The following FASTKD2 variants were observed in gnomAD, a reference collection of about 807,000 sequenced individuals.
The protein encoded by FASTKD2 is FAST kinase domain-containing protein 2, mitochondrial.
In FASTKD2, 51 loss-of-function variants were observed where a neutral mutation model predicts 63.6. The ratio of observed to expected loss-of-function variants is 0.80; its 90% CI spans 0.64 to 1.01. The LOEUF is 1.01. Ranked by LOEUF, FASTKD2 falls within the 50% of genes least tolerant of loss-of-function variation. The pLI, the probability that FASTKD2 is intolerant of heterozygous loss-of-function variation, is 0.00. For synonymous variants in FASTKD2, 284 were observed against 293.4 expected (o/e 0.97, Z 0.33); for missense variants, 786 against 831.1 (o/e 0.95, Z 0.67).
At position 206,792,547 on chromosome 2, in the gene FASTKD2, CTTTG is replaced by C. The variant is rs1559368244; in HGVS notation, c.*748_*751del. The stretch of plus-strand genomic sequence containing the variant: ...ATTTTTTCGATTATGTGTGTTCATT[CTTTG>C]TTCAAATATTTGTCCAAATTCAACT... On this transcript the variant is annotated 3_prime_UTR_variant, in exon 12 of 12. Transcript: ENST00000402774. 1 of 152,056 alleles carries C rather than the reference CTTTG, an allele frequency of 6.6e-6. No individual in the cohort carries two copies. The allele number at this position is 152,056 out of a possible 1,614,324, so 9.4% of individuals were successfully genotyped here. A position where few individuals can be genotyped will look rare whatever the true frequency, so the allele number is the denominator to read the frequency against.
chr2:206,786,947 C>T (rs774779833), intron 8 of FASTKD2, 48 bp downstream of exon 8: 7 of 997,832 alleles, frequency 7.0e-6, no homozygotes, highest in Non-Finnish European at 1.1e-5. Flanking sequence ...CAATTCTGCA[C>T]TACCACTAGC....
Position 206,767,084 on chromosome 2 carries a change from A to G in FASTKD2, c.391A>G (p.Lys131Glu). 4 of 1,614,152 alleles carry G rather than the reference A, an allele frequency of 2.5e-6. No individual in the cohort carries two copies. In the South Asian group the frequency reaches 4.4e-5, roughly 18 times the overall value. Residue 131 changes from lysine to glutamate, a missense_variant, in exon 2 of 12, where the codon AAG becomes GAG. Lys to Glu is a moderately conservative substitution (Grantham distance 56, BLOSUM62 1). Coordinates refer to ENST00000402774, the MANE Select transcript of FASTKD2 (RefSeq NM_001136193.2). The stretch of plus-strand genomic sequence containing the variant: ...TGTTGATAAATCTGATGATGAATTG[A>G]AGAAAGTAAACCTTAATCATGAAGT... ...VPVDKSDDEL[K>E]KVNLNHEVSN...
Position 206,792,819 on chromosome 2 carries a change from C to T in FASTKD2, c.*1017C>T, listed in dbSNP as rs1295948683. ...GAGGTGTAGCTGCTATTATGATTCT[C>T]TCTGTGTCTTCACTTCCTCATCTCT... is the stretch of plus-strand genomic sequence containing the variant. On this transcript the variant is annotated 3_prime_UTR_variant, in exon 12 of 12. Coordinates refer to ENST00000402774, the MANE Select transcript of FASTKD2 (RefSeq NM_001136193.2). Among the ~76,000 whole-genome samples, 5 of 152,190 alleles carry T rather than the reference C, an allele frequency of 3.3e-5. No homozygotes were observed. Among genetic ancestry groups the T allele is most frequent in the South Asian group, 2.1e-4 (1 of 4,828 alleles).
chr2:206,766,516 T>C, intron 1 of FASTKD2, 128 bp from the exon 2 acceptor site: 1 of 614,930 alleles, frequency 1.6e-6, no homozygotes, highest in Non-Finnish European at 2.8e-6. Flanking sequence ...AAAAAACTTT[T>C]ACTGTTTTAT....
intron 7 of FASTKD2, among the ~76,000 whole-genome samples, chr2:206,785,003 A>G (rs1690100146): frequency 1.3e-5 from 2 of 152,352 alleles, no homozygotes; most frequent in South Asian, 4.1e-4. Context: ...TACAAAAGAA[A>G]GAGGTTTAAT....
Position 206,788,114 on chromosome 2 carries a change from A to G in FASTKD2, c.1772A>G (p.His591Arg), listed in dbSNP as rs1184405431. 1 of 1,611,934 alleles carries G rather than the reference A, an allele frequency of 6.2e-7. No homozygotes were observed. The highest frequency in any genetic ancestry group is 1.7e-5 in the Admixed American group (1 of 59,814). ...VLSSLLGGEG[H>R]FSKDVHLPHN... is the part of the protein sequence containing the mutation. ...AGCAGCCTTCTGGGAGGTGAAGGAC[A>G]CTTCTCAAAGGATGTGCACTTGCCA... The change falls in exon 9 of 12, where the codon CAC becomes CGC. Residue 591 changes from histidine to arginine, a missense_variant. Physicochemically the swap from His to Arg is conservative, Grantham distance 29 (BLOSUM62 0). Transcript: ENST00000402774.
At chr2:206,787,335 C>A (rs1482524628) in intron 8 of FASTKD2, among the ~76,000 whole-genome samples, 1 of 152,124 alleles carries the variant, frequency 6.6e-6, no homozygotes, top group Non-Finnish European at 1.5e-5. Context: ...ATCAAGAAAC[C>A]AAATAGCCAC....
At chr2:206,790,551 T>G in intron 10 of FASTKD2, 21 bp from the exon 11 acceptor site, 1 of 1,353,690 alleles carries the variant, frequency 7.4e-7, no homozygotes, top group Non-Finnish European at 1.1e-6. Flanking sequence ...CTGTTCTTGT[T>G]TTGTTTATTT....
intron 9 of FASTKD2, 80 bp from the exon 10 acceptor site, chr2:206,788,731 CAAAAAAAA>C (rs5838043): frequency 4.2e-6 from 2 of 478,172 alleles, no homozygotes; most frequent in African/African-American, 5.2e-5. Context: ...GACCACATCT[CAAAAAAAA>C]AAAAAAAAAG....
rs948592092 is a variant in FASTKD2, at chr2:206,791,714, T to C, written c.2045T>C (p.Met682Thr). ...AACTGGGAGATGGACAAACTAGAGA[T>C]GGAAGATGCAGTCACATTTTTGAAG... is the stretch of plus-strand genomic sequence containing the variant. ...VNNWEMDKLE[M>T]EDAVTFLKTK... The change falls in exon 12 of 12, where the codon ATG (methionine) becomes ACG (threonine). Residue 682 changes from methionine (M) to threonine (T), a missense_variant. By Grantham distance (81) the Met-to-Thr change is moderately conservative. Transcript: ENST00000402774. 1 of 1,612,346 alleles carries C rather than the reference T, an allele frequency of 6.2e-7. No homozygotes were observed. Among genetic ancestry groups the C allele is most frequent in the African/African-American group, 1.3e-5 (1 of 75,012 alleles).
intron 7 of FASTKD2, among the ~76,000 whole-genome samples, chr2:206,776,638 A>C (rs936900495): frequency 3.3e-5 from 5 of 151,814 alleles, no homozygotes; most frequent in Non-Finnish European, 7.4e-5. Flanking sequence ...ATATTCTTTT[A>C]CTATGTGTAG....
At position 206,771,308 on chromosome 2, in the gene FASTKD2, C is replaced by G. The variant is rs767784703; in HGVS notation, c.990+18C>G. Reference sequence around the variant, plus strand: ...AACTGGAGGTAAACACATGAATTTTCTCTAGTGGATGAGATTTGAAAAAAT... The same window carrying G: ...AACTGGAGGTAAACACATGAATTTTGTCTAGTGGATGAGATTTGAAAAAAT... On this transcript the variant is annotated intron_variant, in intron 4 of 11. Coordinates refer to ENST00000402774, the MANE Select transcript of FASTKD2 (RefSeq NM_001136193.2). 2 of 1,409,142 alleles carry G rather than the reference C, an allele frequency of 1.4e-6. No individual in the cohort carries two copies. The highest frequency in any genetic ancestry group is 2.8e-5 in the African/African-American group (2 of 70,854). The allele number at this position is 1,409,142 out of a possible 1,614,324, so 87.3% of individuals were successfully genotyped here.
At chr2:206,784,651 G>C (rs1690089300) in intron 7 of FASTKD2, among the ~76,000 whole-genome samples, 1 of 152,158 alleles carries the variant, frequency 6.6e-6, no homozygotes, top group South Asian at 2.1e-4. Flanking sequence ...CTCCAGACCT[G>C]AGTCTCTGTG....
chr2:206,776,745 C>T (rs1689834201), intron 7 of FASTKD2, among the ~76,000 whole-genome samples: 1 of 151,960 alleles, frequency 6.6e-6, no homozygotes, highest in South Asian at 2.1e-4. Flanking sequence ...ATACTTCTAG[C>T]TCTGTTCTTT....
intron 1 of FASTKD2, among the ~76,000 whole-genome samples, chr2:206,766,237 G>A (rs552828867): frequency 1.4e-5 from 2 of 141,876 alleles, no homozygotes; most frequent in Non-Finnish European, 3.0e-5. Context: ...TCTAGCCTGG[G>A]GGACATAGCA....
Position 206,767,157 on chromosome 2 carries a change from G to A in FASTKD2, c.464G>A (p.Ser155Asn), listed in dbSNP as rs1320911073. 6.2e-7 allele frequency: 1 copy of A among 1,614,168 alleles called. No homozygotes were observed. The highest frequency in any genetic ancestry group is 1.7e-5 in the Admixed American group (1 of 60,022). ...LTKETKPNRI[S>N]SRKLSEECNS... The stretch of plus-strand genomic sequence containing the variant: ...AAGGAAACAAAACCAAACCGTATCA[G>A]CAGTAGAAAACTGTCTGAGGAATGT... The change falls in exon 2 of 12, where the codon AGC becomes AAC. Residue 155 changes from serine to asparagine, a missense_variant. By Grantham distance (46) the Ser-to-Asn change is conservative. Transcript: ENST00000402774.
In FASTKD2 at chr2:206,766,912, CA is replaced by C; in HGVS notation, c.220del (p.Ile74LeufsTer22). On this transcript the variant is annotated frameshift_variant, in exon 2 of 12. Transcript: ENST00000402774. LOFTEE classifies it high-confidence loss of function. ...FHNRMQSTDI[I>X]RYLFQDAFIF... ...ATAACAGAATGCAATCAACTGATATCATTAGATATCTCTTTCAGGATGCATT... is the reference window on the plus strand; with the variant it reads ...ATAACAGAATGCAATCAACTGATATCTTAGATATCTCTTTCAGGATGCATT... 1 of 1,599,374 alleles carries C rather than the reference CA, an allele frequency of 6.3e-7. No individual in the cohort carries two copies. The highest frequency in any genetic ancestry group is 8.5e-7 in the Non-Finnish European group (1 of 1,171,516).
chr2:206,780,185 T>A (rs1689934206), intron 7 of FASTKD2, among the ~76,000 whole-genome samples: 1 of 152,256 alleles, frequency 6.6e-6, no homozygotes, highest in Non-Finnish European at 1.5e-5. Context: ...TATATTTGTT[T>A]ATGTATTTGC....
intron 7 of FASTKD2, among the ~76,000 whole-genome samples, chr2:206,777,743 G>A (rs1275085165): frequency 6.6e-6 from 1 of 152,102 alleles, no homozygotes; most frequent in African/African-American, 2.4e-5. Context: ...TTCTCACAAT[G>A]TTTGGTTGAC....
Sources: allele counts gnomAD v4.1 joint callset (sites outside exome capture counted in the v4.1 genomes callset), GRCh38; gene constraint gnomAD v4.1.1; transcripts MANE v1.5; gene names NCBI Gene and HGNC (gene_info 2026-07-23, HGNC 2026-07-21).